The following NALF1 variants were observed in gnomAD, a reference collection of about 807,000 sequenced individuals.
NALF1 encodes family with sequence similarity 155 member A.
Under a neutral mutation model 48.4 loss-of-function variants are expected in NALF1, and 3 were observed. The ratio of observed to expected loss-of-function variants is 0.06; its 90% CI spans 0.03 to 0.16. The LOEUF is 0.16. Ranked by LOEUF, NALF1 falls within the 10% of genes least tolerant of loss-of-function variation. NALF1 has a pLI of 1.00. For synonymous variants in NALF1, 262 were observed against 245.7 expected, an observed-to-expected ratio of 1.07 and a Z score of -0.62; for missense variants, 526 against 571.5, an observed-to-expected ratio of 0.92 and a Z score of 0.81.
At chr13:107,408,616 T>C (rs1194414843) in intron 1 of NALF1, among the ~76,000 whole-genome samples, 1 of 152,114 alleles carries the variant, frequency 6.6e-6, no homozygotes, top group Admixed American at 6.6e-5. Flanking sequence ...TAACAAGTGA[T>C]ATTCTTCATG....
At chr13:107,562,693 T>C (rs1315967790) in intron 1 of NALF1, among the ~76,000 whole-genome samples, 1 of 152,206 alleles carries the variant, frequency 6.6e-6, no homozygotes, top group Non-Finnish European at 1.5e-5. Flanking sequence ...TCCAAGACCA[T>C]ACGAACTCAT....
chr13:107,678,061 C>T, intron 1 of NALF1, among the ~76,000 whole-genome samples: 1 of 152,264 alleles, frequency 6.6e-6, no homozygotes, highest in South Asian at 2.1e-4. Flanking sequence ...TTCTTAATAA[C>T]CAGGCCATAA....
intron 1 of NALF1, among the ~76,000 whole-genome samples, chr13:107,801,127 A>T (rs1405811111): frequency 1.3e-5 from 2 of 152,190 alleles, no homozygotes; most frequent in Non-Finnish European, 2.9e-5. Context: ...TCAATACAAA[A>T]CACAAAGGTA....
intron 1 of NALF1, among the ~76,000 whole-genome samples, chr13:107,858,875 C>T (rs1300584558): frequency 1.3e-5 from 2 of 152,134 alleles, no homozygotes; most frequent in East Asian, 1.9e-4. Flanking sequence ...TTAAAGATTG[C>T]TCTAGGGCTT....
At chr13:107,583,959 T>C (rs372516237) in intron 1 of NALF1, among the ~76,000 whole-genome samples, 23 of 152,070 alleles carry the variant, frequency 1.5e-4, no homozygotes, top group African/African-American at 4.8e-4. Flanking sequence ...GACAAAAAAA[T>C]CATCTTAAAT....
intron 1 of NALF1, among the ~76,000 whole-genome samples, chr13:107,857,569 C>G (rs1409810868): frequency 6.6e-6 from 1 of 152,124 alleles, no homozygotes; most frequent in African/African-American, 2.4e-5. Context: ...AGGATCCAGT[C>G]AATCTAAAAT....
intron 1 of NALF1, among the ~76,000 whole-genome samples, chr13:107,412,619 C>A (rs893830303): frequency 6.6e-6 from 1 of 152,180 alleles, no homozygotes; most frequent in Admixed American, 6.5e-5. Context: ...TTGCTGAGTT[C>A]ATATTGCATT....
intron 1 of NALF1, among the ~76,000 whole-genome samples, chr13:107,841,246 C>A (rs926913918): frequency 2.6e-5 from 4 of 152,222 alleles, no homozygotes; most frequent in South Asian, 4.1e-4. Context: ...GGAGTCAAGG[C>A]AATCAGGGAT....
intron 1 of NALF1, among the ~76,000 whole-genome samples, chr13:107,677,184 C>T (rs1427708173): frequency 6.6e-6 from 1 of 152,202 alleles, no homozygotes. Context: ...GTAGGTGAGA[C>T]TATAGTCGCA....
chr13:107,752,634 T>C (rs919662554), intron 1 of NALF1, among the ~76,000 whole-genome samples: 2 of 152,198 alleles, frequency 1.3e-5, no homozygotes, highest in Non-Finnish European at 2.9e-5. Flanking sequence ...ATTATTTCAC[T>C]TATATATGAA....
At chr13:107,784,898 G>A (rs1490208088) in intron 1 of NALF1, among the ~76,000 whole-genome samples, 3 of 152,016 alleles carry the variant, frequency 2.0e-5, no homozygotes, top group Non-Finnish European at 2.9e-5. Flanking sequence ...TCCCACTACC[G>A]GGTATCTACC....
intron 1 of NALF1, among the ~76,000 whole-genome samples, chr13:107,502,774 C>T (rs533506873): frequency 6.6e-6 from 1 of 152,224 alleles, no homozygotes; most frequent in African/African-American, 2.4e-5. Context: ...ATTTAACCTC[C>T]TAAAAGCTTT....
At chr13:107,358,316 T>C (rs897568636) in intron 1 of NALF1, among the ~76,000 whole-genome samples, 2 of 152,180 alleles carry the variant, frequency 1.3e-5, no homozygotes, top group African/African-American at 2.4e-5. Context: ...CTCTGAGCCT[T>C]AGGCTCTGCA....
intron 1 of NALF1, among the ~76,000 whole-genome samples, chr13:107,682,210 T>C (rs1007171043): frequency 1.3e-5 from 2 of 152,334 alleles, no homozygotes; most frequent in Admixed American, 6.5e-5. Context: ...AGACAAAGCA[T>C]TGTTGCCTTC....
rs1371937625 is a variant in NALF1 at position 107,324,584 on chromosome 13, C to T, written c.916-113829G>A. On this transcript the variant is annotated intron_variant, in intron 1 of 2. Transcript: ENST00000375915. Reference sequence around the variant, plus strand: ...ATCCATCTGCTAGATAATATCATTGCATAGAGGAGTAACTGTGGGTTAATC... The same window carrying T: ...ATCCATCTGCTAGATAATATCATTGTATAGAGGAGTAACTGTGGGTTAATC... Among the ~76,000 whole-genome samples, 3 of 152,062 alleles carry T rather than the reference C, an allele frequency of 2.0e-5. No individual in the cohort carries two copies. In the East Asian group the frequency reaches 5.8e-4, roughly 29 times the overall value.
chr13:107,509,262 T>C (rs1343818421), intron 1 of NALF1, among the ~76,000 whole-genome samples: 1 of 152,182 alleles, frequency 6.6e-6, no homozygotes, highest in African/African-American at 2.4e-5. Context: ...ACACCAGTCT[T>C]GGAAATCTTA....
At position 107,311,561 on chromosome 13, in the gene NALF1, A is replaced by G. The variant is rs149020520; in HGVS notation, c.916-100806T>C. Among the ~76,000 whole-genome samples, 143 of 150,602 alleles carry G rather than the reference A, an allele frequency of 9.5e-4. 1 individual carries two copies. In the East Asian group the frequency reaches 0.025, roughly 27 times the overall value. Reference sequence around the variant, plus strand: ...TCATTTATTAAATTATATTTAATAAATGATATAATATAATAAAAATAATTA... The same window carrying G: ...TCATTTATTAAATTATATTTAATAAGTGATATAATATAATAAAAATAATTA... On this transcript the variant is annotated intron_variant, in intron 1 of 2. Coordinates refer to ENST00000375915, the MANE Select transcript of NALF1 (RefSeq NM_001080396.3).
chr13:107,370,980 T>A (rs868272263), intron 1 of NALF1, among the ~76,000 whole-genome samples: 1 of 152,020 alleles, frequency 6.6e-6, no homozygotes, highest in South Asian at 2.1e-4. Flanking sequence ...TTCCACCGCA[T>A]CCCTCCCACA....
In NALF1 at chr13:107,362,754, C is replaced by T. The variant is rs572188696; in HGVS notation, c.916-151999G>A. 7.9e-5 allele frequency among the ~76,000 whole-genome samples: 12 copies of T among 152,210 alleles called. No homozygotes were observed. Among genetic ancestry groups the T allele is most frequent in the African/African-American group, 2.2e-4 (9 of 41,540 alleles). ...GGAGCTCCTATGATCCAGCAAACAC[C>T]GTGTGTGCTTTTACAACTTTCCCAT... On this transcript the variant is annotated intron_variant, in intron 1 of 2. Transcript: ENST00000375915. The surrounding 1 kb of genome is among the most constrained non-coding windows in gnomAD (Gnocchi z 4.6).
Sources: allele counts gnomAD v4.1 joint callset (sites outside exome capture counted in the v4.1 genomes callset), GRCh38; gene constraint gnomAD v4.1.1; non-coding constraint Gnocchi (gnomAD v3.1); transcripts MANE v1.5; gene names NCBI Gene and HGNC (gene_info 2026-07-23, HGNC 2026-07-21).